The following ZC4H2 variants were observed in gnomAD, a reference collection of about 807,000 sequenced individuals.
ZC4H2 encodes zinc finger C4H2-type containing.
For missense variants in ZC4H2, 137 were observed against 173.9 expected, an observed-to-expected ratio of 0.79 and a Z score of 1.19; for synonymous variants, 84 against 66.3, an observed-to-expected ratio of 1.27 and a Z score of -1.30.
chrX:64,963,362 T>G (rs975653435), intron 1 of ZC4H2, among the ~76,000 whole-genome samples: 5 of 111,658 alleles, frequency 4.5e-5, no homozygotes, highest in Non-Finnish European at 9.4e-5. Flanking sequence ...ACTTCAAGAC[T>G]TTGCTTGTGG....
intron 1 of ZC4H2, among the ~76,000 whole-genome samples, chrX:64,965,663 C>T (rs1020403712): frequency 5.4e-5 from 6 of 111,109 alleles, no homozygotes; most frequent in South Asian, 3.8e-4. Context: ...TGGCTCAGTG[C>T]GGTGTCTCAC....
chrX:64,926,309 C>T (rs1929419364), intron 1 of ZC4H2, among the ~76,000 whole-genome samples: 1 of 112,182 alleles, frequency 8.9e-6, no homozygotes, highest in South Asian at 3.7e-4. Flanking sequence ...CAAACAATGT[C>T]TATTAAAGGA....
At chrX:64,983,167 T>G (rs1019839522) in intron 1 of ZC4H2, among the ~76,000 whole-genome samples, 5 of 111,811 alleles carry the variant, frequency 4.5e-5, no homozygotes, top group Non-Finnish European at 9.4e-5. Context: ...GTCTCTACTA[T>G]TTTTAGCTAT....
intron 3 of ZC4H2, chrX:64,919,427 G>T: frequency 2.6e-6 from 1 of 379,921 alleles, no homozygotes; most frequent in Non-Finnish European, 4.5e-6. Context: ...AGAAGACCAA[G>T]AAATCTTAGG....
chrX:64,957,709 T>C (rs1475365198), intron 1 of ZC4H2, among the ~76,000 whole-genome samples: 5 of 108,341 alleles, frequency 4.6e-5, no homozygotes, highest in African/African-American at 1.7e-4. Context: ...AAAAAATATA[T>C]AAATTAGCCA....
chrX:65,021,710 C>T lies in ZC4H2; in HGVS notation c.-272+12919G>A, dbSNP rs188026676. Among the ~76,000 whole-genome samples, 13 of 110,880 alleles carry T rather than the reference C, an allele frequency of 1.2e-4. No homozygotes were observed. In the East Asian group the frequency reaches 3.6e-3, roughly 31 times the overall value. The stretch of plus-strand genomic sequence containing the variant: ...CTGAAGGAGACAGAGACATGAAAAA[C>T]CCTTCAAAAAATCAATGAATCCAGG... On this transcript the variant is annotated intron_variant, in intron 1 of 4. Transcript: ENST00000337990.
At chrX:64,960,619 G>A (rs1183143223) in intron 1 of ZC4H2, among the ~76,000 whole-genome samples, 1 of 111,760 alleles carries the variant, frequency 8.9e-6, no homozygotes, top group Admixed American at 9.5e-5. Context: ...AGACTTATAG[G>A]GATAAAACTG....
At chrX:65,033,956 G>C (rs1932971630) in intron 1 of ZC4H2, among the ~76,000 whole-genome samples, 1 of 110,577 alleles carries the variant, frequency 9.0e-6, no homozygotes, top group African/African-American at 3.3e-5. Flanking sequence ...AGGCATGGTG[G>C]CTTGCACCTG....
chrX:64,950,350 G>A (rs1021236119), intron 1 of ZC4H2, among the ~76,000 whole-genome samples: 4 of 111,807 alleles, frequency 3.6e-5, no homozygotes, highest in African/African-American at 1.3e-4. Flanking sequence ...GAATTCTGTA[G>A]ATGTCTATTA....
chrX:64,923,986 T>C (rs1929319393), intron 1 of ZC4H2, among the ~76,000 whole-genome samples: 1 of 112,126 alleles, frequency 8.9e-6, no homozygotes, highest in African/African-American at 3.2e-5. Flanking sequence ...TATTGGTTAA[T>C]TACTTATTTG....
upstream of ZC4H2, among the ~76,000 whole-genome samples, chrX:64,977,144 A>T (rs140710550): frequency 1.5e-4 from 17 of 111,985 alleles, no homozygotes; most frequent in East Asian, 4.8e-3. Context: ...AGAGGCTGAA[A>T]ATTTACCTAT....
intron 1 of ZC4H2, among the ~76,000 whole-genome samples, chrX:64,983,129 T>C (rs753422296): frequency 9.0e-6 from 1 of 111,538 alleles, no homozygotes; most frequent in East Asian, 2.8e-4. Flanking sequence ...CCCAGACTCT[T>C]CAGTCAGGCT....
At chrX:65,029,375 AGT>A (rs1932912212) in intron 1 of ZC4H2, among the ~76,000 whole-genome samples, 1 of 111,774 alleles carries the variant, frequency 8.9e-6, no homozygotes, top group Non-Finnish European at 1.9e-5. Context: ...TCCCTATTAC[AGT>A]GGTTGGAGGG....
chrX:65,033,720 A>G (rs947415578), intron 1 of ZC4H2, among the ~76,000 whole-genome samples: 1 of 112,214 alleles, frequency 8.9e-6, no homozygotes, highest in African/African-American at 3.2e-5. Context: ...TTTCCATTTA[A>G]TCCTCATAAC....
intron 1 of ZC4H2, among the ~76,000 whole-genome samples, chrX:65,033,817 G>C (rs765098491): frequency 8.9e-6 from 1 of 111,765 alleles, no homozygotes; most frequent in Non-Finnish European, 1.9e-5. Flanking sequence ...GGCCGGGCAC[G>C]GTGGCTTACG....
Position 64,917,813 on chromosome X carries a change from G to T in ZC4H2, c.645C>A (p.Pro215=). ...LCKAKSRSRN[P]KKPKRKQDE ...CATCCTGCTTCCGTTTCGGCTTTTT[G>T]GGGTTCCGGGACCGACTCTTGGCCT... is the stretch of plus-strand genomic sequence containing the variant. Residue 215 remains proline, a synonymous_variant, in exon 5 of 5, where the codon CCC becomes CCA. Coordinates refer to ENST00000374839, the MANE Select transcript of ZC4H2 (RefSeq NM_018684.4). 1 of 1,211,053 alleles carries T rather than the reference G, an allele frequency of 8.3e-7. No individual in the cohort carries two copies. Among genetic ancestry groups the T allele is most frequent in the Non-Finnish European group, 1.1e-6 (1 of 895,278 alleles).
intron 1 of ZC4H2, among the ~76,000 whole-genome samples, chrX:64,970,135 C>A (rs1462353798): frequency 8.9e-6 from 1 of 112,090 alleles, no homozygotes; most frequent in Non-Finnish European, 1.9e-5. Context: ...CTAGTTTTTC[C>A]TGCTTACTCC....
intron 1 of ZC4H2, among the ~76,000 whole-genome samples, chrX:64,946,060 G>A (rs1174595420): frequency 2.7e-5 from 3 of 110,850 alleles, no homozygotes; most frequent in Non-Finnish European, 5.7e-5. Context: ...TGGCTTTCTG[G>A]CTTCCACCGC....
In ZC4H2 at chrX:64,925,616, G is replaced by C. The variant is rs777854309; in HGVS notation, c.54-3628C>G. On this transcript the variant is annotated intron_variant, in intron 1 of 4. Transcript: ENST00000374839. ...AGTGCAGCTAGCCCTGCTTGGATGA[G>C]TCCCTTTTATGTAATCCTCCCTCCT... Among the ~76,000 whole-genome samples the C allele has an allele frequency of 2.7e-5, 3 of 111,811 alleles. No homozygotes were observed. In the East Asian group the frequency reaches 8.4e-4, roughly 31 times the overall value.
Sources: gnomAD v4.1 joint callset for allele counts (sites outside exome capture counted in the v4.1 genomes callset) on GRCh38, gnomAD v4.1.1 for gene constraint, MANE v1.5 for transcripts, NCBI Gene and HGNC (gene_info 2026-07-23, HGNC 2026-07-21) for gene names.